Variants in CACNA2D1 observed in about 807,000 individuals in gnomAD.
CACNA2D1 encodes calcium voltage-gated channel auxiliary subunit alpha2delta 1, also known as voltage-dependent calcium channel subunit alpha-2/delta-1.
CACNA2D1 carries 53 observed loss-of-function variants against 171.5 expected under a neutral mutation model. The ratio of observed to expected loss-of-function variants is 0.31; its 90% confidence interval spans 0.25 to 0.39. CACNA2D1 has a LOEUF of 0.39. CACNA2D1 is among the 10% of genes least tolerant of loss of function. CACNA2D1 has a pLI of 1.00. For synonymous variants in CACNA2D1, 442 were observed against 443.1 expected, an observed-to-expected ratio of 1.00 and a Z score of 0.03; for missense variants, 903 against 1,299.8, an observed-to-expected ratio of 0.69 and a Z score of 4.69.
intron 35 of CACNA2D1, among the ~76,000 whole-genome samples, 178 bp from the exon 36 acceptor site, chr7:81,962,201 A>G (rs967830806): frequency 6.6e-6 from 1 of 151,942 alleles, no homozygotes; most frequent in East Asian, 1.9e-4. Flanking sequence ...TGCCTGATAA[A>G]TATCAAGAGA....
chr7:81,982,870 T>G, intron 23 of CACNA2D1: 2 of 574,078 alleles, frequency 3.5e-6, no homozygotes, highest in South Asian at 4.1e-5. Flanking sequence ...GAAAATGCTA[T>G]GTCTATAATT....
intron 7 of CACNA2D1, among the ~76,000 whole-genome samples, chr7:82,075,563 T>C (rs565098026): frequency 1.3e-5 from 2 of 152,192 alleles, no homozygotes; most frequent in African/African-American, 4.8e-5. Flanking sequence ...ATGTTTCTTA[T>C]TTTTGTAAGC....
At chr7:82,236,344 G>A (rs1563240372) in intron 3 of CACNA2D1, among the ~76,000 whole-genome samples, 1 of 151,846 alleles carries the variant, frequency 6.6e-6, no homozygotes. Context: ...GTGATTCCAG[G>A]GCCCAACCTA....
chr7:81,977,129 C>G (rs1323934613), intron 24 of CACNA2D1, among the ~76,000 whole-genome samples: 1 of 152,030 alleles, frequency 6.6e-6, no homozygotes, highest in African/African-American at 2.4e-5. Context: ...TGTCTTGTGC[C>G]TTTTTCAAAG....
chr7:82,013,768 A>G (rs774379602), intron 13 of CACNA2D1, among the ~76,000 whole-genome samples: 60 of 151,916 alleles, frequency 3.9e-4, no homozygotes, highest in Non-Finnish European at 6.2e-4. Context: ...AATAGGAAAC[A>G]TGGTATCATT....
At chr7:82,129,895 T>C (rs981325589) in intron 5 of CACNA2D1, among the ~76,000 whole-genome samples, 3 of 152,190 alleles carry the variant, frequency 2.0e-5, no homozygotes, top group African/African-American at 7.2e-5. Flanking sequence ...CATTTGGTCC[T>C]GCCACTGGTC....
In CACNA2D1 at chr7:82,301,730, TACACACACACACACACACAC is replaced by T. The variant is rs4018910; in HGVS notation, c.294+33385_294+33404del. ...ATTGTGTATTAATTTTGGTAAATAA[TACACACACACACACACACAC>T]ACACACACACACACACACACACATA... is the stretch of plus-strand genomic sequence containing the variant. On this transcript the variant is annotated intron_variant, in intron 3 of 38. Coordinates refer to ENST00000356860, the MANE Select transcript of CACNA2D1 (RefSeq NM_000722.4). 7.5e-3 allele frequency among the ~76,000 whole-genome samples: 1,074 copies of T among 142,274 alleles called. 9 individuals carry two copies. Among genetic ancestry groups the T allele is most frequent in the African/African-American group, 0.026 (997 of 37,990 alleles). 93.3% of individuals were successfully genotyped at this position (142,274 alleles called of 152,430 possible).
chr7:82,038,816 G>A (rs1047438498), intron 10 of CACNA2D1, among the ~76,000 whole-genome samples: 2 of 152,174 alleles, frequency 1.3e-5, no homozygotes, highest in Admixed American at 1.3e-4. Context: ...AGTGCCAGGG[G>A]AACCTTGGAG....
chr7:82,364,498 C>T (rs1821458350), intron 1 of CACNA2D1, among the ~76,000 whole-genome samples: 1 of 152,132 alleles, frequency 6.6e-6, no homozygotes, highest in Admixed American at 6.6e-5. Context: ...CCCTGGGATA[C>T]CAAACTGCAC....
Position 81,949,015 on chromosome 7 carries a change from T to C in CACNA2D1, c.*1377A>G, listed in dbSNP as rs1189664945. The C allele has an allele frequency of 6.6e-6, 1 of 151,982 alleles. No individual in the cohort carries two copies. The highest frequency in any genetic ancestry group is 2.4e-5 in the African/African-American group (1 of 41,428). The allele number at this position is 151,982 out of a possible 1,614,324, so 9.4% of individuals were successfully genotyped here. A position where few individuals can be genotyped will look rare whatever the true frequency, so the allele number is the denominator to read the frequency against. ...CAAGGTTTCCTATTTGTTCAGATTA[T>C]TGTAAAACCCTTATCAACTTGCATG... On this transcript the variant is annotated 3_prime_UTR_variant, in exon 39 of 39. Coordinates refer to ENST00000356860, the MANE Select transcript of CACNA2D1 (RefSeq NM_000722.4).
intron 29 of CACNA2D1, among the ~76,000 whole-genome samples, chr7:81,968,563 T>C (rs947814185): frequency 7.9e-5 from 12 of 151,302 alleles, no homozygotes; most frequent in African/African-American, 2.9e-4. Flanking sequence ...TATTTTAAAG[T>C]ATTAAGAGAG....
At chr7:82,332,827 T>C (rs1013228777) in intron 3 of CACNA2D1, among the ~76,000 whole-genome samples, 2 of 152,078 alleles carry the variant, frequency 1.3e-5, no homozygotes, top group African/African-American at 2.4e-5. Context: ...TAGGGAGACC[T>C]CATCTCTACA....
chr7:82,005,376 A>G, intron 18 of CACNA2D1, 47 bp downstream of exon 18: 1 of 1,121,830 alleles, frequency 8.9e-7, no homozygotes, highest in East Asian at 2.5e-5. Context: ...AACATTAATC[A>G]TTAATTCTAC....
At chr7:82,418,173 C>G (rs1332664254) in intron 1 of CACNA2D1, among the ~76,000 whole-genome samples, 1 of 152,120 alleles carries the variant, frequency 6.6e-6, no homozygotes, top group East Asian at 1.9e-4. Flanking sequence ...GAGTGCCCAG[C>G]AAAGGAGGAA....
At chr7:82,073,473 AAT>A (rs963040181) in intron 7 of CACNA2D1, among the ~76,000 whole-genome samples, 2 of 152,228 alleles carry the variant, frequency 1.3e-5, no homozygotes, top group African/African-American at 4.8e-5. Flanking sequence ...GCATATGCAA[AAT>A]AAATTCTGGA....
chr7:82,432,283 C>A (rs1488493477), intron 1 of CACNA2D1, among the ~76,000 whole-genome samples: 1 of 152,144 alleles, frequency 6.6e-6, no homozygotes, highest in East Asian at 1.9e-4. Flanking sequence ...TTATCTCTTG[C>A]CACAAACCGC....
At chr7:82,159,143 T>C (rs1794677608) in intron 4 of CACNA2D1, among the ~76,000 whole-genome samples, 1 of 152,014 alleles carries the variant, frequency 6.6e-6, no homozygotes, top group African/African-American at 2.4e-5. Context: ...ATTGCCTATT[T>C]TGGCTTTGAA....
Position 81,961,885 on chromosome 7 carries a change from A to G in CACNA2D1, c.2966+9T>C. On this transcript the variant is annotated intron_variant, in intron 36 of 38. Transcript: ENST00000356860. ...TGAAATAGGACTACTCCTGAAATAAATAAATTACCTGGAACAGTTTCCACA... is the reference window on the plus strand; with the variant it reads ...TGAAATAGGACTACTCCTGAAATAAGTAAATTACCTGGAACAGTTTCCACA... 2 of 1,600,284 alleles carry G rather than the reference A, an allele frequency of 1.2e-6. No individual in the cohort carries two copies. The highest frequency in any genetic ancestry group is 1.1e-5 in the South Asian group (1 of 90,816).
At chr7:82,083,987 C>A (rs1332998457) in intron 7 of CACNA2D1, among the ~76,000 whole-genome samples, 2 of 152,022 alleles carry the variant, frequency 1.3e-5, no homozygotes, top group African/African-American at 4.8e-5. Flanking sequence ...AGCACGTATC[C>A]CATAACTCAG....
Sources: gnomAD v4.1 joint callset for allele counts (sites outside exome capture counted in the v4.1 genomes callset) on GRCh38, gnomAD v4.1.1 for gene constraint, MANE v1.5 for transcripts, NCBI Gene and HGNC (gene_info 2026-07-23, HGNC 2026-07-21) for gene names.